ATP11A: variants seen among roughly 807,000 people sequenced by gnomAD.
ATP11A encodes the protein ATPase phospholipid transporting 11A, also known as phospholipid-transporting ATPase IH.
In ATP11A, 81 loss-of-function variants were observed where a neutral mutation model predicts 154.4. The ratio of observed to expected loss-of-function variants is 0.52; its 90% CI spans 0.44 to 0.63. The LOEUF (loss-of-function observed/expected upper bound fraction) is 0.63. ATP11A is among the 30% of genes least tolerant of loss of function. The pLI is 0.00. For synonymous variants in ATP11A, 623 were observed against 585.9 expected (o/e 1.06, Z -0.91); for missense variants, 1,316 against 1,474.3 (o/e 0.89, Z 1.76).
At chr13:112,720,571 T>G (rs1441603921) in intron 1 of ATP11A, among the ~76,000 whole-genome samples, 2 of 151,988 alleles carry the variant, frequency 1.3e-5, no homozygotes, top group East Asian at 3.9e-4. Context: ...TTTTTTTAAT[T>G]TTTTTGAGAC....
intron 1 of ATP11A, among the ~76,000 whole-genome samples, chr13:112,709,697 G>A (rs1337497855): frequency 1.4e-5 from 2 of 143,426 alleles, no homozygotes; most frequent in African/African-American, 2.6e-5. Flanking sequence ...TCGCCTTTCT[G>A]AACCAAACCA....
At chr13:112,863,625 A>G (rs1443895339) in intron 25 of ATP11A, among the ~76,000 whole-genome samples, 2,520 of 71,306 alleles carry the variant, frequency 0.035, 1 homozygote, top group Middle Eastern at 0.1. Flanking sequence ...CACCACCTGC[A>G]CAGTAATTCA....
chr13:112,788,857 C>T (rs190707633), intron 2 of ATP11A, among the ~76,000 whole-genome samples: 1 of 151,400 alleles, frequency 6.6e-6, no homozygotes, highest in African/African-American at 2.4e-5. Context: ...CTACTTAATT[C>T]ACACCCGGCA....
intron 25 of ATP11A, among the ~76,000 whole-genome samples, chr13:112,863,570 G>C (rs1339923656): frequency 2.9e-3 from 357 of 125,078 alleles, no homozygotes; most frequent in African/African-American, 0.01. Context: ...TCACCACATG[G>C]GCAGTAATTC....
At chr13:112,854,676 G>A (rs751596548) in intron 19 of ATP11A, 146 bp downstream of exon 19, 14 of 980,490 alleles carry the variant, frequency 1.4e-5, no homozygotes, top group Non-Finnish European at 2.0e-5. Flanking sequence ...CTTCTTAGGG[G>A]TCAGGTGAAC....
At chr13:112,844,817 A>G (rs1439358857) in intron 17 of ATP11A, among the ~76,000 whole-genome samples, 5 of 151,576 alleles carry the variant, frequency 3.3e-5, no homozygotes, top group Non-Finnish European at 7.4e-5. Flanking sequence ...TAACCAGTCC[A>G]GTTGCCGGGT....
Position 112,844,835 on chromosome 13 carries a change from G to A in ATP11A, c.1809+2456G>A, listed in dbSNP as rs574492599. ...CCAGTCCAGTTGCCGGGTGTTAGTG[G>A]TACTAACCAGTCCAGTTGCCGGGCA... On this transcript the variant is annotated intron_variant, in intron 17 of 29. Transcript: ENST00000375645. Among the ~76,000 whole-genome samples, 267 of 150,914 alleles carry A rather than the reference G, an allele frequency of 1.8e-3. 19 individuals are homozygous for A. The highest frequency in any genetic ancestry group is 7.1e-3 in the Middle Eastern group (2 of 282).
At chr13:112,818,260 G>A (rs1255772328) in intron 6 of ATP11A, among the ~76,000 whole-genome samples, 16 of 149,274 alleles carry the variant, frequency 1.1e-4, no homozygotes, top group South Asian at 2.2e-4. Context: ...GCTTGGTGAC[G>A]GGGCGATGAC....
chr13:112,746,277 C>T lies in ATP11A; in HGVS notation c.40-38858C>T, dbSNP rs1892125105. The T allele has an allele frequency of 6.6e-6, 1 of 152,092 alleles. No individual in the cohort carries two copies. The highest frequency in any genetic ancestry group is 2.1e-4 in the South Asian group (1 of 4,818). The allele number at this position is 152,092 out of a possible 1,614,324, so 9.4% of individuals were successfully genotyped here. On this transcript the variant is annotated intron_variant, in intron 1 of 29. Coordinates refer to ENST00000375645, the MANE Select transcript of ATP11A (RefSeq NM_015205.3). The surrounding 1 kb of genome is among the most constrained non-coding windows in gnomAD (Gnocchi z 4.1). ...ACCTCCGTGCTGTCTCCATAGCAGC[C>T]GTGTCGTTTCACACTTGCACCAACA...
chr13:112,842,327 T>C lies in ATP11A; in HGVS notation c.1757T>C (p.Val586Ala). ...GCAGATTCTTCGATATTCCCCCGAG[T>C]GATAGAAGGCAAAGTTGACCAGATC... ...KGADSSIFPR[V>A]IEGKVDQIRA... is the part of the protein sequence containing the mutation. The change falls in exon 17 of 30, where the codon GTG (valine) becomes GCG (alanine). Residue 586 changes from valine to alanine, a missense_variant. Transcript: ENST00000375645. 1 of 1,611,976 alleles carries C rather than the reference T, an allele frequency of 6.2e-7. No individual in the cohort carries two copies. Among genetic ancestry groups the C allele is most frequent in the Non-Finnish European group, 8.5e-7 (1 of 1,179,080 alleles).
chr13:112,817,039 C>G (rs1195611878), intron 6 of ATP11A, among the ~76,000 whole-genome samples: 1 of 152,092 alleles, frequency 6.6e-6, no homozygotes, highest in Non-Finnish European at 1.5e-5. Context: ...ATTTCCTGCA[C>G]TCAGTATAAA....
chr13:112,731,192 C>T (rs1022035210), intron 1 of ATP11A, among the ~76,000 whole-genome samples: 10 of 151,246 alleles, frequency 6.6e-5, no homozygotes, highest in African/African-American at 2.5e-4. Flanking sequence ...TCCTCAGCCT[C>T]CAAAATGCTC....
chr13:112,881,529 G>T, intron 29 of ATP11A: 1 of 1,130,566 alleles, frequency 8.8e-7, no homozygotes, highest in Non-Finnish European at 1.1e-6. Context: ...GTATCCCTGG[G>T]GCCCCTGGGT....
chr13:112,809,667 G>A (rs1009074778), intron 4 of ATP11A, among the ~76,000 whole-genome samples: 7 of 152,246 alleles, frequency 4.6e-5, no homozygotes, highest in East Asian at 1.9e-4. Context: ...TGCGGTGGAC[G>A]TGGACGCCCA....
chr13:112,776,278 C>T (rs2077347230), intron 1 of ATP11A, among the ~76,000 whole-genome samples: 1 of 152,222 alleles, frequency 6.6e-6, no homozygotes, highest in South Asian at 2.1e-4. Context: ...AAGCGCAGGC[C>T]AGATCCCAGA....
At chr13:112,763,659 A>G (rs2077011381) in intron 1 of ATP11A, among the ~76,000 whole-genome samples, 1 of 152,094 alleles carries the variant, frequency 6.6e-6, no homozygotes, top group Non-Finnish European at 1.5e-5. Context: ...GGCATCCTCT[A>G]CATGGAGGAA....
intron 1 of ATP11A, among the ~76,000 whole-genome samples, chr13:112,737,273 G>C (rs1333602761): frequency 6.6e-6 from 1 of 152,178 alleles, no homozygotes; most frequent in East Asian, 1.9e-4. Context: ...CACAACAGGG[G>C]CATCTCAGAT....
At chr13:112,699,776 G>A (rs1390419591) in intron 1 of ATP11A, among the ~76,000 whole-genome samples, 9 of 152,218 alleles carry the variant, frequency 5.9e-5, no homozygotes, top group African/African-American at 2.2e-4. Context: ...CTGCCGGGGA[G>A]CCTGTGTCCC....
At chr13:112,728,797 A>G (rs1314596013) in intron 1 of ATP11A, among the ~76,000 whole-genome samples, 7 of 152,078 alleles carry the variant, frequency 4.6e-5, no homozygotes, top group Non-Finnish European at 1.0e-4. Flanking sequence ...CTCCTTGTCT[A>G]TCTTGATATA....
Sources: gnomAD v4.1 joint callset for allele counts (sites outside exome capture counted in the v4.1 genomes callset) on GRCh38, gnomAD v4.1.1 for gene constraint, Gnocchi (gnomAD v3.1) non-coding constraint, MANE v1.5 for transcripts, NCBI Gene and HGNC (gene_info 2026-07-23, HGNC 2026-07-21) for gene names.